The following OSBPL8 variants were observed in gnomAD, a reference collection of about 807,000 sequenced individuals.
OSBPL8 encodes the protein oxysterol-binding protein-related protein 8.
A neutral mutation model predicts 125.5 loss-of-function variants in OSBPL8; 59 were observed. The observed-to-expected ratio is 0.47, with a 90% CI of 0.38 to 0.58. The LOEUF (loss-of-function observed/expected upper bound fraction) is 0.58. Among genes scored for constraint, OSBPL8 ranks in the 20% least tolerant of loss-of-function variants. The pLI is 0.00. For synonymous variants in OSBPL8, 330 were observed against 338.9 expected (o/e 0.97, Z 0.29); for missense variants, 758 against 1,047.8 (o/e 0.72, Z 3.82).
intron 1 of OSBPL8, chr12:76,537,143 A>G (rs552812669): frequency 6.6e-6 from 1 of 152,548 alleles, no homozygotes; most frequent in South Asian, 2.1e-4. Flanking sequence ...AAACTATGAA[A>G]GCCTTTACAT....
chr12:76,515,119 C>T (rs1881405865), intron 1 of OSBPL8, among the ~76,000 whole-genome samples: 1 of 152,168 alleles, frequency 6.6e-6, no homozygotes, highest in South Asian at 2.1e-4. Flanking sequence ...ATATTCATTC[C>T]TATCCACGTT....
At chr12:76,475,130 T>C (rs1876647215) in intron 2 of OSBPL8, among the ~76,000 whole-genome samples, 1 of 152,202 alleles carries the variant, frequency 6.6e-6, no homozygotes, top group Non-Finnish European at 1.5e-5. Context: ...CATGAATTTT[T>C]TTTATTTTAA....
At chr12:76,443,652 G>A (rs1872446195) in intron 4 of OSBPL8, among the ~76,000 whole-genome samples, 1 of 152,058 alleles carries the variant, frequency 6.6e-6, no homozygotes, top group South Asian at 2.1e-4. Flanking sequence ...GGGACTATGG[G>A]CATGCACCAT....
chr12:76,516,817 CTTT>C (rs71668730), intron 1 of OSBPL8, among the ~76,000 whole-genome samples: 2 of 130,800 alleles, frequency 1.5e-5, no homozygotes, highest in Admixed American at 7.5e-5. Context: ...CTTTTCTTTT[CTTT>C]TTTTTTTTTT....
Position 76,370,124 on chromosome 12 carries a change from A to C in OSBPL8, c.2055-302T>G, listed in dbSNP as rs192944655. Among the ~76,000 whole-genome samples, 871 of 152,266 alleles carry C rather than the reference A, an allele frequency of 5.7e-3. 11 individuals are homozygous for C. Among genetic ancestry groups the C allele is most frequent in the African/African-American group, 0.02 (838 of 41,544 alleles). On this transcript the variant is annotated intron_variant, in intron 19 of 23. Transcript: ENST00000261183. ...TTGCTGGCTCAAGATGATAGGATGT[A>C]ATGAAGGTAAAGCTCAGGAATCTAC...
chr12:76,389,533 G>C, intron 12 of OSBPL8, 112 bp downstream of exon 12: 1 of 808,918 alleles, frequency 1.2e-6, no homozygotes. Context: ...AACAGAGAGT[G>C]ATGTCTCATT....
intron 2 of OSBPL8, among the ~76,000 whole-genome samples, chr12:76,477,789 T>C (rs1876988634): frequency 6.6e-6 from 1 of 152,008 alleles, no homozygotes; most frequent in African/African-American, 2.4e-5. Context: ...GGGTACAACA[T>C]ATATGGGAAC....
chr12:76,455,542 C>G (rs530564321), intron 3 of OSBPL8, among the ~76,000 whole-genome samples: 6 of 152,128 alleles, frequency 3.9e-5, no homozygotes, highest in Non-Finnish European at 8.8e-5. Context: ...AATCCATTTT[C>G]GATGGAAGTA....
At chr12:76,356,151 G>T in intron 23 of OSBPL8, 130 bp from the exon 24 acceptor site, 5 of 138,506 alleles carry the variant, frequency 3.6e-5, no homozygotes, top group South Asian at 2.5e-4. Context: ...TCATGGGGTG[G>T]TATGTAGGGG....
At chr12:76,476,396 A>G (rs1876811879) in intron 2 of OSBPL8, among the ~76,000 whole-genome samples, 1 of 152,188 alleles carries the variant, frequency 6.6e-6, no homozygotes, top group South Asian at 2.1e-4. Flanking sequence ...CAAGAACTTA[A>G]TAAACATGTT....
intron 21 of OSBPL8, among the ~76,000 whole-genome samples, chr12:76,366,146 G>C (rs1333584415): frequency 6.6e-6 from 1 of 152,218 alleles, no homozygotes; most frequent in Non-Finnish European, 1.5e-5. Context: ...TTTAGAGTTT[G>C]AGAAGGATTT....
intron 16 of OSBPL8, among the ~76,000 whole-genome samples, chr12:76,377,181 G>T (rs1952853797): frequency 6.6e-6 from 1 of 152,142 alleles, no homozygotes; most frequent in Non-Finnish European, 1.5e-5. Context: ...ATCACTGATG[G>T]GCATTTGGGT....
At chr12:76,482,015 C>G (rs571356241) in intron 2 of OSBPL8, among the ~76,000 whole-genome samples, 1 of 152,204 alleles carries the variant, frequency 6.6e-6, no homozygotes, top group Non-Finnish European at 1.5e-5. Context: ...TGGATCATCT[C>G]TAGGCTCTCC....
Position 76,489,371 on chromosome 12 carries a change from T to A in OSBPL8, c.-67-1753A>T, listed in dbSNP as rs141689472. Among the ~76,000 whole-genome samples, 807 of 152,302 alleles carry A rather than the reference T, an allele frequency of 5.3e-3. 7 individuals carry two copies. Among genetic ancestry groups the A allele is most frequent in the African/African-American group, 0.019 (779 of 41,568 alleles). ...GACTTTCATATCTAGAGAGGAGAAG[T>A]CAATGCCAGACTTCAAAGCTGCAAA... On this transcript the variant is annotated intron_variant, in intron 1 of 23. Coordinates refer to ENST00000261183, the MANE Select transcript of OSBPL8 (RefSeq NM_020841.5).
intron 1 of OSBPL8, among the ~76,000 whole-genome samples, chr12:76,546,243 A>AG (rs1217834687): frequency 6.6e-6 from 1 of 152,198 alleles, no homozygotes. Flanking sequence ...TGAATTATGA[A>AG]GAAGCTCCTC....
chr12:76,526,635 C>CTTTTTTTTTTTTT lies in OSBPL8; in HGVS notation c.-68+32749_-68+32761dup, dbSNP rs573409160. Among the ~76,000 whole-genome samples the CTTTTTTTTTTTTT allele has an allele frequency of 1.1e-4, 7 of 64,254 alleles. 1 individual carries two copies. The highest frequency in any genetic ancestry group is 3.2e-4 in the African/African-American group (6 of 19,042). The allele number at this position is 64,254 out of a possible 152,430, so 42.2% of individuals were successfully genotyped here. ...TGTTATACTTGCTATCAGTAAATCTCTTTTTTTTTTTTTTTTTTTTTTTTT... is the reference window on the plus strand; with the variant it reads ...TGTTATACTTGCTATCAGTAAATCTCTTTTTTTTTTTTTTTTTTTTTTTTTTTTTTTTTTTTTT... On this transcript the variant is annotated intron_variant, in intron 1 of 23. Coordinates refer to ENST00000261183, the MANE Select transcript of OSBPL8 (RefSeq NM_020841.5).
chr12:76,383,988 A>C (rs1436955002), intron 15 of OSBPL8, among the ~76,000 whole-genome samples: 1 of 152,230 alleles, frequency 6.6e-6, no homozygotes, highest in East Asian at 1.9e-4. Flanking sequence ...AAGGCAAAAG[A>C]AACACTTTAT....
chr12:76,506,203 C>A (rs1010184212), intron 1 of OSBPL8, among the ~76,000 whole-genome samples: 2 of 152,086 alleles, frequency 1.3e-5, no homozygotes, highest in Non-Finnish European at 2.9e-5. Context: ...GGGCCATTAG[C>A]AGGTATGCAA....
At chr12:76,384,187 T>G (rs1173703962) in intron 15 of OSBPL8, 67 bp downstream of exon 15, 3 of 918,248 alleles carry the variant, frequency 3.3e-6, no homozygotes, top group Non-Finnish European at 4.8e-6. Flanking sequence ...TGACACTGCC[T>G]AAATAAAAGC....
Sources: gnomAD v4.1 joint callset for allele counts (sites outside exome capture counted in the v4.1 genomes callset) on GRCh38, gnomAD v4.1.1 for gene constraint, MANE v1.5 for transcripts, NCBI Gene and HGNC (gene_info 2026-07-23, HGNC 2026-07-21) for gene names.